The following SHISA9 variants were observed in gnomAD, a reference collection of about 807,000 sequenced individuals.
SHISA9 encodes shisa family member 9.
In SHISA9, 13 loss-of-function variants were observed where a neutral mutation model predicts 38.0. The observed-to-expected ratio is 0.34, with a 90% confidence interval of 0.22 to 0.54. SHISA9 has a LOEUF of 0.54. SHISA9 is among the 20% of genes least tolerant of loss of function. SHISA9 has a pLI of 0.91. For synonymous variants in SHISA9, 275 were observed against 242.0 expected (o/e 1.14, Z -1.27); for missense variants, 538 against 575.8 (o/e 0.93, Z 0.67).
the SHISA9 span, among the ~76,000 whole-genome samples, chr16:13,469,954 C>G: frequency 6.6e-6 from 1 of 152,170 alleles, no homozygotes; most frequent in African/African-American, 2.4e-5. Flanking sequence ...TTATTGTCAT[C>G]TCTTGGGATC....
intron 2 of SHISA9, among the ~76,000 whole-genome samples, chr16:13,158,761 A>T (rs1437406892): frequency 6.6e-6 from 1 of 152,200 alleles, no homozygotes; most frequent in African/African-American, 2.4e-5. Context: ...AGATGATTTT[A>T]AAAACACAGC....
At chr16:13,218,563 T>A (rs2142071159) in intron 4 of SHISA9, among the ~76,000 whole-genome samples, 1 of 152,344 alleles carries the variant, frequency 6.6e-6, no homozygotes, top group Non-Finnish European at 1.5e-5. Context: ...TGCCACTTAT[T>A]GGCAGTGACA....
the SHISA9 span, among the ~76,000 whole-genome samples, chr16:13,553,412 A>G: frequency 6.6e-6 from 1 of 152,280 alleles, no homozygotes; most frequent in African/African-American, 2.4e-5. Flanking sequence ...TTTTACCGCA[A>G]ATCTCTACAG....
At position 13,074,407 on chromosome 16, in the gene SHISA9, C is replaced by T. The variant is rs572731014; in HGVS notation, c.692-128987C>T. Reference sequence around the variant, plus strand: ...GGCTCAGAGCTGTGCCTCTCCATTTCTTACCCACCCAAGGATCAGCCCAAG... The same window carrying T: ...GGCTCAGAGCTGTGCCTCTCCATTTTTTACCCACCCAAGGATCAGCCCAAG... On this transcript the variant is annotated intron_variant, in intron 2 of 4. Coordinates refer to ENST00000558583, the MANE Select transcript of SHISA9 (RefSeq NM_001145204.3). 5.3e-5 allele frequency among the ~76,000 whole-genome samples: 8 copies of T among 152,270 alleles called. No individual in the cohort carries two copies. The East Asian group carries it at 1.6e-3, about 30-fold the overall frequency.
At chr16:12,910,751 GA>G in intron 1 of SHISA9, 1 of 979,908 alleles carries the variant, frequency 1.0e-6, no homozygotes, top group Non-Finnish European at 1.2e-6. Context: ...GTTCTCTAGA[GA>G]AACAGAACAA....
the SHISA9 span, among the ~76,000 whole-genome samples, chr16:13,559,409 G>A: frequency 4.8e-5 from 7 of 146,422 alleles, no homozygotes; most frequent in South Asian, 2.2e-4. Context: ...AGACATTCTC[G>A]CTCTGTCACC....
At chr16:13,374,130 G>A in the SHISA9 span, among the ~76,000 whole-genome samples, 1 of 151,942 alleles carries the variant, frequency 6.6e-6, no homozygotes, top group Middle Eastern at 3.4e-3. Flanking sequence ...AAATGTCCTG[G>A]CTTATTTCTT....
the SHISA9 span, among the ~76,000 whole-genome samples, chr16:13,414,429 G>A: frequency 6.6e-6 from 1 of 152,148 alleles, no homozygotes; most frequent in African/African-American, 2.4e-5. Flanking sequence ...ACAGGATGGA[G>A]TAGGAGTTCA....
chr16:13,322,355 G>A, the SHISA9 span, among the ~76,000 whole-genome samples: 1 of 152,244 alleles, frequency 6.6e-6, no homozygotes, highest in African/African-American at 2.4e-5. Context: ...TGAGTAGCCA[G>A]ACATCTGCAT....
At chr16:13,561,081 C>A in the SHISA9 span, among the ~76,000 whole-genome samples, 2 of 152,160 alleles carry the variant, frequency 1.3e-5, no homozygotes, top group African/African-American at 2.4e-5. Context: ...CCAGGCTGGT[C>A]TCGAACTCCT....
At chr16:13,213,642 T>C (rs1596737762) in intron 4 of SHISA9, among the ~76,000 whole-genome samples, 1 of 150,074 alleles carries the variant, frequency 6.7e-6, no homozygotes, top group African/African-American at 2.5e-5. Context: ...GGTTAATTAA[T>C]GGGGGCGGGG....
At chr16:13,436,534 G>A in the SHISA9 span, among the ~76,000 whole-genome samples, 1 of 152,118 alleles carries the variant, frequency 6.6e-6, no homozygotes, top group Non-Finnish European at 1.5e-5. Flanking sequence ...CACAAAAATA[G>A]TCAATCAGCA....
intron 2 of SHISA9, among the ~76,000 whole-genome samples, chr16:12,918,227 C>T (rs541892556): frequency 3.9e-5 from 6 of 152,106 alleles, no homozygotes; most frequent in African/African-American, 2.4e-5. Flanking sequence ...AATTCTGACA[C>T]GGCAGTTGCT....
chr16:13,105,462 T>C (rs1049525016), intron 2 of SHISA9, among the ~76,000 whole-genome samples: 3 of 152,132 alleles, frequency 2.0e-5, no homozygotes, highest in African/African-American at 4.8e-5. Context: ...GGCTTCTGCT[T>C]CCTATTTTTG....
intron 2 of SHISA9, among the ~76,000 whole-genome samples, chr16:12,921,126 T>C (rs774812867): frequency 6.6e-6 from 1 of 152,256 alleles, no homozygotes; most frequent in African/African-American, 2.4e-5. Context: ...TCATATTCCA[T>C]ATACCCTTAC....
intron 2 of SHISA9, among the ~76,000 whole-genome samples, chr16:13,017,238 T>G (rs1057312360): frequency 3.9e-5 from 6 of 152,192 alleles, no homozygotes; most frequent in Admixed American, 6.5e-5. Context: ...CAGGCTGGTC[T>G]CAAACTCCTG....
chr16:13,351,414 G>A, the SHISA9 span, among the ~76,000 whole-genome samples: 1 of 152,200 alleles, frequency 6.6e-6, no homozygotes, highest in Non-Finnish European at 1.5e-5. Context: ...TAGAAGACAA[G>A]TACAACACAC....
chr16:12,970,495 ATATTTT>A (rs2072064921), intron 2 of SHISA9, among the ~76,000 whole-genome samples: 6 of 24,624 alleles, frequency 2.4e-4, no homozygotes, highest in Non-Finnish European at 2.1e-4. Context: ...ATATATATAT[ATATTTT>A]TTTTTTTTTT....
chr16:13,404,546 C>T, the SHISA9 span, among the ~76,000 whole-genome samples: 13 of 152,130 alleles, frequency 8.5e-5, no homozygotes, highest in African/African-American at 2.7e-4. Context: ...GTTTATGGGA[C>T]GAAGGCTACA....
Sources: allele counts gnomAD v4.1 joint callset (sites outside exome capture counted in the v4.1 genomes callset), GRCh38; gene constraint gnomAD v4.1.1; transcripts MANE v1.5; gene names NCBI Gene and HGNC (gene_info 2026-07-23, HGNC 2026-07-21).